The following NIPAL2 variants were observed in gnomAD, a reference collection of about 807,000 sequenced individuals.
NIPAL2 encodes the protein NIPA like domain containing 2.
In NIPAL2, 43 loss-of-function variants were observed where a neutral mutation model predicts 48.9. That is an observed-to-expected ratio of 0.88 (90% CI 0.69 to 1.13). NIPAL2 has a LOEUF of 1.13. Ranked by LOEUF, NIPAL2 falls within the 50% of genes most tolerant of loss-of-function variation. The pLI is 0.00. For missense variants in NIPAL2, 446 were observed against 461.4 expected (o/e 0.97, Z 0.31); for synonymous variants, 167 against 174.6 (o/e 0.96, Z 0.34).
intron 8 of NIPAL2, among the ~76,000 whole-genome samples, chr8:98,202,231 CCTGGAACAT>C (rs1563483911): frequency 1.2e-3 from 178 of 152,242 alleles, no homozygotes; most frequent in African/African-American, 4.1e-3. Context: ...TCAGGCTTGC[CCTGGAACAT>C]TGAATTCAGT....
chr8:98,280,412 A>G (rs972500130), intron 1 of NIPAL2, among the ~76,000 whole-genome samples: 2 of 152,184 alleles, frequency 1.3e-5, no homozygotes, highest in Non-Finnish European at 2.9e-5. Flanking sequence ...TGAACTGGAA[A>G]TGAGATCTAG....
intron 6 of NIPAL2, among the ~76,000 whole-genome samples, chr8:98,208,110 CT>C (rs1372022184): frequency 1.3e-5 from 2 of 152,208 alleles, no homozygotes; most frequent in Non-Finnish European, 2.9e-5. Context: ...CAGTCACACT[CT>C]GTTGTACAGT....
chr8:98,238,608 C>CTT (rs113252932), intron 3 of NIPAL2, among the ~76,000 whole-genome samples: 406 of 143,498 alleles, frequency 2.8e-3, no homozygotes, highest in Non-Finnish European at 4.1e-3. Context: ...TATTTGTTTC[C>CTT]TTTTTTTTTT....
At chr8:98,239,856 C>T (rs1040952548) in intron 3 of NIPAL2, among the ~76,000 whole-genome samples, 2 of 152,074 alleles carry the variant, frequency 1.3e-5, no homozygotes, top group African/African-American at 4.8e-5. Context: ...TGAGCAACAG[C>T]TAATAACATG....
intron 8 of NIPAL2, 106 bp downstream of exon 8, chr8:98,203,002 G>A: frequency 1.2e-6 from 1 of 839,476 alleles, no homozygotes; most frequent in Non-Finnish European, 2.0e-6. Flanking sequence ...CCAGGTGGAG[G>A]CAACACAGAT....
intron 3 of NIPAL2, among the ~76,000 whole-genome samples, chr8:98,240,910 T>G (rs1339660604): frequency 6.6e-6 from 1 of 152,098 alleles, no homozygotes; most frequent in Non-Finnish European, 1.5e-5. Flanking sequence ...ATACAGCACA[T>G]GTTAATGTGC....
rs1810342155 is a variant in NIPAL2 at position 98,192,476 on chromosome 8, A to C, written c.*502T>G. 1 of 152,746 alleles carries C rather than the reference A, an allele frequency of 6.5e-6. No individual in the cohort carries two copies. The allele number at this position is 152,746 out of a possible 1,614,324, so 9.5% of individuals were successfully genotyped here. A position where few individuals can be genotyped will look rare whatever the true frequency, so the allele number is the denominator to read the frequency against. On this transcript the variant is annotated 3_prime_UTR_variant, in exon 11 of 11. Coordinates refer to ENST00000430223, the MANE Select transcript of NIPAL2 (RefSeq NM_001321635.2). ...ATAGCATTAGTTTTCAGAAAAGATG[A>C]CTTGCAATTCTAACTTAGTACTTGA...
Position 98,260,371 on chromosome 8 carries a change from T to A in NIPAL2, c.136-6284A>T, listed in dbSNP as rs528312836. ...CTGCATTTCCATCTGAGGTACCGGG[T>A]TCATCTCACTAGGGAGTGCCAGACA... is the stretch of plus-strand genomic sequence containing the variant. On this transcript the variant is annotated intron_variant, in intron 1 of 10. Coordinates refer to ENST00000430223, the MANE Select transcript of NIPAL2 (RefSeq NM_001321635.2). Among the ~76,000 whole-genome samples, 14 of 152,258 alleles carry A rather than the reference T, an allele frequency of 9.2e-5. No individual in the cohort carries two copies. In the South Asian group the frequency reaches 2.5e-3, roughly 27 times the overall value.
chr8:98,196,798 C>A (rs1251604388), intron 8 of NIPAL2, among the ~76,000 whole-genome samples: 3 of 152,248 alleles, frequency 2.0e-5, no homozygotes, highest in Non-Finnish European at 4.4e-5. Context: ...TGTGCGTCAG[C>A]CACTGCTCTA....
rs140694629 is a variant in NIPAL2, at chr8:98,196,918, G to A, written c.881-913C>T. Among the ~76,000 whole-genome samples, 4 of 152,328 alleles carry A rather than the reference G, an allele frequency of 2.6e-5. No individual in the cohort carries two copies. The East Asian group carries it at 7.7e-4, about 29-fold the overall frequency. On this transcript the variant is annotated intron_variant, in intron 8 of 10. Transcript: ENST00000430223. ...TTCTTACAGGAAGAAGCCATGTCCA[G>A]TTCTAATGAATATTTGTTGAATGAA...
chr8:98,260,712 G>C (rs543521332), intron 1 of NIPAL2, among the ~76,000 whole-genome samples: 12 of 152,320 alleles, frequency 7.9e-5, no homozygotes, highest in South Asian at 2.1e-4. Flanking sequence ...AGGGGTGCCC[G>C]CCATTGCCCA....
intron 1 of NIPAL2, among the ~76,000 whole-genome samples, chr8:98,255,682 C>G (rs1371885708): frequency 6.6e-6 from 1 of 151,958 alleles, no homozygotes; most frequent in African/African-American, 2.4e-5. Context: ...GATCACTATC[C>G]CTCATGGGGA....
intron 1 of NIPAL2, among the ~76,000 whole-genome samples, chr8:98,276,433 A>G (rs1414805205): frequency 1.3e-5 from 2 of 152,154 alleles, no homozygotes; most frequent in Admixed American, 1.3e-4. Flanking sequence ...ATATTCCATT[A>G]TCTGGATGTA....
intron 5 of NIPAL2, among the ~76,000 whole-genome samples, chr8:98,219,607 AG>A (rs1459999170): frequency 6.6e-6 from 1 of 152,156 alleles, no homozygotes; most frequent in Admixed American, 6.5e-5. Context: ...CGTCACTCCT[AG>A]CCCCCTTCCT....
At chr8:98,222,452 G>A (rs901049701) in intron 5 of NIPAL2, 27 bp downstream of exon 5, 1 of 1,609,358 alleles carries the variant, frequency 6.2e-7, no homozygotes, top group Non-Finnish European at 8.5e-7. Flanking sequence ...ATAGCTTCGG[G>A]GATAGTAAAA....
intron 8 of NIPAL2, among the ~76,000 whole-genome samples, chr8:98,196,245 T>C (rs1810540384): frequency 6.6e-6 from 1 of 152,304 alleles, no homozygotes; most frequent in South Asian, 2.1e-4. Flanking sequence ...AGAAACATAA[T>C]TGACATATAT....
chr8:98,260,312 C>A lies in NIPAL2; in HGVS notation c.136-6225G>T, dbSNP rs373621961. Among the ~76,000 whole-genome samples the A allele has an allele frequency of 1.6e-4, 24 of 152,362 alleles. No individual in the cohort carries two copies. In the East Asian group the frequency reaches 3.9e-3, roughly 25 times the overall value. On this transcript the variant is annotated intron_variant, in intron 1 of 10. Coordinates refer to ENST00000430223, the MANE Select transcript of NIPAL2 (RefSeq NM_001321635.2). ...GAATAGGAACAGCTCCGGTCTACAG[C>A]TCCCAGTGTGAGCGACGCAGAAGAC... is the stretch of plus-strand genomic sequence containing the variant.
intron 4 of NIPAL2, among the ~76,000 whole-genome samples, chr8:98,226,744 G>A (rs1812197332): frequency 1.3e-5 from 2 of 152,144 alleles, no homozygotes; most frequent in African/African-American, 4.8e-5. Flanking sequence ...TCTTGCTCAA[G>A]GCCTGCTGTA....
chr8:98,253,264 C>A (rs185498055), intron 2 of NIPAL2, among the ~76,000 whole-genome samples: 20 of 152,246 alleles, frequency 1.3e-4, no homozygotes, highest in Non-Finnish European at 2.6e-4. Flanking sequence ...TATTAGCTCT[C>A]GTTTCAGACA....
Sources: allele counts gnomAD v4.1 joint callset (sites outside exome capture counted in the v4.1 genomes callset), GRCh38; gene constraint gnomAD v4.1.1; transcripts MANE v1.5; gene names NCBI Gene and HGNC (gene_info 2026-07-23, HGNC 2026-07-21).